CNTN4: variants seen among roughly 807,000 people sequenced by gnomAD.
CNTN4 encodes contactin-4.
Under a neutral mutation model 122.5 loss-of-function variants are expected in CNTN4, and 77 were observed. The observed-to-expected ratio is 0.63, with a 90% CI of 0.52 to 0.76. The LOEUF (loss-of-function observed/expected upper bound fraction) is 0.76. CNTN4 is among the 30% of genes least tolerant of loss of function. The probability of loss-of-function intolerance (pLI) is 0.00; values close to 1 mark genes in which losing one functional copy is unlikely to be tolerated. For missense variants in CNTN4, 1,256 were observed against 1,259.1 expected, an observed-to-expected ratio of 1.00 and a Z score of 0.04; for synonymous variants, 512 against 447.0, an observed-to-expected ratio of 1.15 and a Z score of -1.83.
chr3:2,771,003 C>G (rs554324641), intron 6 of CNTN4, among the ~76,000 whole-genome samples: 2 of 152,218 alleles, frequency 1.3e-5, no homozygotes, highest in Non-Finnish European at 2.9e-5. Context: ...TTCCCCTTCA[C>G]TGGTAGTGTC....
At chr3:2,792,386 G>T (rs1486901835) in intron 6 of CNTN4, among the ~76,000 whole-genome samples, 1 of 152,156 alleles carries the variant, frequency 6.6e-6, no homozygotes, top group Non-Finnish European at 1.5e-5. Flanking sequence ...CAAGATCCAT[G>T]ATCCTCCTAG....
At chr3:2,176,963 C>T (rs1241549589) in intron 2 of CNTN4, among the ~76,000 whole-genome samples, 1 of 151,994 alleles carries the variant, frequency 6.6e-6, no homozygotes, top group Non-Finnish European at 1.5e-5. Flanking sequence ...CCCAAGAAAA[C>T]CTATAGACAC....
chr3:2,846,690 G>T (rs1279242137), intron 7 of CNTN4, among the ~76,000 whole-genome samples: 1 of 152,160 alleles, frequency 6.6e-6, no homozygotes, highest in Non-Finnish European at 1.5e-5. Context: ...GTTGTACACT[G>T]CCAAGAATAA....
chr3:2,660,542 T>C (rs1387658681), intron 4 of CNTN4, among the ~76,000 whole-genome samples: 1 of 152,214 alleles, frequency 6.6e-6, no homozygotes, highest in East Asian at 1.9e-4. Flanking sequence ...CTGCCATTAA[T>C]TGGCATATGT....
chr3:2,648,893 A>G (rs1160517589), intron 4 of CNTN4, among the ~76,000 whole-genome samples: 1 of 152,254 alleles, frequency 6.6e-6, no homozygotes, highest in Non-Finnish European at 1.5e-5. Context: ...CAGGCAACGC[A>G]TGAATAAGAA....
At chr3:2,968,734 G>A (rs1692578660) in intron 13 of CNTN4, among the ~76,000 whole-genome samples, 1 of 152,174 alleles carries the variant, frequency 6.6e-6, no homozygotes, top group Admixed American at 6.5e-5. Flanking sequence ...TATTGCATGA[G>A]CTTATAGACT....
At chr3:2,673,820 G>T (rs2084678557) in intron 4 of CNTN4, among the ~76,000 whole-genome samples, 1 of 152,210 alleles carries the variant, frequency 6.6e-6, no homozygotes, top group East Asian at 1.9e-4. Flanking sequence ...GGGATTACAG[G>T]TGCGAGTCGC....
chr3:2,545,578 T>G (rs957229811), intron 3 of CNTN4, among the ~76,000 whole-genome samples: 1 of 152,062 alleles, frequency 6.6e-6, no homozygotes, highest in Non-Finnish European at 1.5e-5. Flanking sequence ...GGTAGTTAGC[T>G]TCACTTATTG....
At chr3:2,707,792 C>A (rs572575552) in intron 4 of CNTN4, among the ~76,000 whole-genome samples, 24 of 152,152 alleles carry the variant, frequency 1.6e-4, no homozygotes, top group African/African-American at 5.8e-4. Context: ...TACCACCACA[C>A]CTGGCTCTGT....
intron 4 of CNTN4, among the ~76,000 whole-genome samples, chr3:2,592,797 A>G (rs966020598): frequency 6.6e-6 from 1 of 152,224 alleles, no homozygotes; most frequent in Admixed American, 6.5e-5. Context: ...GGAGTGTTCT[A>G]TTCATGGGTT....
At chr3:2,537,059 A>T (rs1159211604) in intron 3 of CNTN4, among the ~76,000 whole-genome samples, 2 of 152,142 alleles carry the variant, frequency 1.3e-5, no homozygotes, top group Admixed American at 1.3e-4. Flanking sequence ...TAGCATCTGT[A>T]GTATGTGCTA....
At chr3:2,806,983 T>G (rs571125338) in intron 6 of CNTN4, among the ~76,000 whole-genome samples, 50 of 152,338 alleles carry the variant, frequency 3.3e-4, no homozygotes, top group Middle Eastern at 3.4e-3. Flanking sequence ...TCAACGACAC[T>G]ATGTGTGATT....
chr3:2,241,709 A>G (rs1414963630), intron 2 of CNTN4, among the ~76,000 whole-genome samples: 1 of 152,092 alleles, frequency 6.6e-6, no homozygotes, highest in Non-Finnish European at 1.5e-5. Flanking sequence ...TCCCAATTAG[A>G]CTGTGTACTT....
intron 2 of CNTN4, among the ~76,000 whole-genome samples, chr3:2,170,633 T>TA (rs1455637854): frequency 1.3e-5 from 2 of 152,130 alleles, no homozygotes; most frequent in Non-Finnish European, 2.9e-5. Flanking sequence ...AGGCAGAACT[T>TA]AATGAACCTA....
intron 2 of CNTN4, among the ~76,000 whole-genome samples, chr3:2,332,327 G>A (rs1413777660): frequency 9.9e-5 from 15 of 152,062 alleles, no homozygotes; most frequent in African/African-American, 2.4e-4. Flanking sequence ...TAAGGTTTAC[G>A]TAAGTAATCT....
chr3:2,493,149 TAG>T (rs1255467189), intron 3 of CNTN4, among the ~76,000 whole-genome samples: 1 of 152,174 alleles, frequency 6.6e-6, no homozygotes, highest in Non-Finnish European at 1.5e-5. Flanking sequence ...GAAGATAATA[TAG>T]AGAGTGTGTC....
At chr3:2,745,427 T>G (rs1409009983) in intron 5 of CNTN4, 95 bp from the exon 6 acceptor site, 1 of 1,067,964 alleles carries the variant, frequency 9.4e-7, no homozygotes, top group Non-Finnish European at 1.4e-6. Context: ...CACAAATGAT[T>G]TTTCATGCTA....
chr3:2,254,663 T>C (rs540618861), intron 2 of CNTN4, among the ~76,000 whole-genome samples: 22 of 152,362 alleles, frequency 1.4e-4, no homozygotes, highest in African/African-American at 5.0e-4. Context: ...TTTTTTCATA[T>C]GTTTCTTGGC....
rs531278186 is a variant in CNTN4 at position 2,996,707 on chromosome 3, A to G, written c.1486+8235A>G. Among the ~76,000 whole-genome samples the G allele has an allele frequency of 9.5e-4, 144 of 152,326 alleles. 1 individual carries two copies. Among genetic ancestry groups the G allele is most frequent in the Non-Finnish European group, 1.7e-3 (117 of 68,022 alleles). On this transcript the variant is annotated intron_variant, in intron 14 of 24. Transcript: ENST00000418658. ...CAAGAAGATAATAAGAAATATATTG[A>G]AGCTATCCATCTGGCTTGCATTGAA...
Sources: allele counts gnomAD v4.1 joint callset (sites outside exome capture counted in the v4.1 genomes callset), GRCh38; gene constraint gnomAD v4.1.1; transcripts MANE v1.5; gene names NCBI Gene and HGNC (gene_info 2026-07-23, HGNC 2026-07-21).